The following LIPN variants were observed in gnomAD, a reference collection of about 807,000 sequenced individuals.
The protein encoded by LIPN is lipase member N.
LIPN carries 32 observed loss-of-function variants against 43.7 expected under a neutral mutation model. That is an observed-to-expected ratio of 0.73 (90% CI 0.55 to 0.98). The LOEUF (loss-of-function observed/expected upper bound fraction) is 0.98. Ranked by LOEUF, LIPN falls within the 50% of genes least tolerant of loss-of-function variation. LIPN has a pLI of 0.00. For synonymous variants in LIPN, 156 were observed against 157.6 expected, an observed-to-expected ratio of 0.99 and a Z score of 0.08; for missense variants, 505 against 483.8, an observed-to-expected ratio of 1.04 and a Z score of -0.41.
upstream of LIPN, among the ~76,000 whole-genome samples, chr10:88,759,642 A>G (rs1167700747): frequency 6.6e-6 from 1 of 152,124 alleles, no homozygotes; most frequent in African/African-American, 2.4e-5. Flanking sequence ...TACGCACTGC[A>G]TGGTTGGCAC....
At chr10:88,772,058 T>G (rs1255795053) in intron 7 of LIPN, among the ~76,000 whole-genome samples, 3 of 151,898 alleles carry the variant, frequency 2.0e-5, no homozygotes, top group Admixed American at 2.0e-4. Flanking sequence ...GTATGTCTTC[T>G]TTTGAGAAAT....
chr10:88,774,518 G>A lies in LIPN; in HGVS notation c.865G>A (p.Val289Ile), dbSNP rs1295290395. 2.5e-6 allele frequency: 4 copies of A among 1,610,852 alleles called. No individual in the cohort carries two copies. Among genetic ancestry groups the A allele is most frequent in the East Asian group, 2.2e-5 (1 of 44,786 alleles). The change falls in exon 8 of 10, where the codon GTA (valine) becomes ATA (isoleucine). Residue 289 changes from valine (V) to isoleucine (I), a missense_variant. Val to Ile is a conservative substitution (Grantham distance 29, BLOSUM62 3). Transcript: ENST00000404459. ...YMSHAPTGSS[V>I]HNILHIKQLY... ...GTCACATGCTCCCACTGGTTCATCA[G>A]TACACAACATTCTGCATATAAAACA...
At chr10:88,761,331 C>A in intron 1 of LIPN, 67 bp from the exon 2 acceptor site, 1 of 926,714 alleles carries the variant, frequency 1.1e-6, no homozygotes, top group Non-Finnish European at 1.8e-6. Context: ...TTTCACTAAT[C>A]ATTTTATTTC....
At chr10:88,770,818 A>G in intron 6 of LIPN, 27 bp from the exon 7 acceptor site, 3 of 1,349,176 alleles carry the variant, frequency 2.2e-6, no homozygotes, top group Non-Finnish European at 3.1e-6. Flanking sequence ...TATCTCATTC[A>G]AAGATAATTA....
Position 88,774,501 on chromosome 10 carries a change from C to A in LIPN, c.848C>A (p.Ala283Asp), listed in dbSNP as rs1418132032. The A allele has an allele frequency of 6.2e-7, 1 of 1,611,134 alleles. No homozygotes were observed. The highest frequency in any genetic ancestry group is 1.1e-5 in the South Asian group (1 of 90,978). Residue 283 changes from alanine to aspartate, a missense_variant, in exon 8 of 10, where the codon GCT becomes GAT. Ala to Asp is a moderately radical substitution (Grantham distance 126). Coordinates refer to ENST00000404459, the MANE Select transcript of LIPN (RefSeq NM_001102469.2). ...QSRMDVYMSH[A>D]PTGSSVHNIL... The stretch of plus-strand genomic sequence containing the variant: ...CGAATGGATGTGTATATGTCACATG[C>A]TCCCACTGGTTCATCAGTACACAAC...
intron 2 of LIPN, among the ~76,000 whole-genome samples, 169 bp from the exon 3 acceptor site, chr10:88,762,019 T>A (rs1843009584): frequency 6.6e-6 from 1 of 152,160 alleles, no homozygotes; most frequent in South Asian, 2.1e-4. Context: ...AGATATTTTT[T>A]AAAATTCTAC....
At chr10:88,771,919 T>A (rs1176618868) in intron 7 of LIPN, among the ~76,000 whole-genome samples, 1 of 151,880 alleles carries the variant, frequency 6.6e-6, no homozygotes, top group African/African-American at 2.4e-5. Context: ...TCAGCATCCA[T>A]TATTGCCTAT....
In LIPN at chr10:88,778,096, G is replaced by A. The variant is rs996739274; in HGVS notation, c.1051G>A (p.Asp351Asn). 6.8e-6 allele frequency: 11 copies of A among 1,613,530 alleles called. No homozygotes were observed. Among genetic ancestry groups the A allele is most frequent in the Non-Finnish European group, 8.5e-6 (10 of 1,179,728 alleles). The change falls in exon 10 of 10, where the codon GAT (aspartate) becomes AAT (asparagine). Residue 351 changes from aspartate to asparagine, a missense_variant. By Grantham distance (23) the Asp-to-Asn change is conservative. Transcript: ENST00000404459. ...GGHDVLVTPQ[D>N]VARILPQIKS... is the part of the protein sequence containing the mutation. ...ACATGATGTCCTCGTAACACCCCAG[G>A]ATGTGGCCAGGATACTCCCTCAAAT...
Position 88,778,299 on chromosome 10 carries a change from G to A in LIPN, c.*57G>A. On this transcript the variant is annotated 3_prime_UTR_variant, in exon 10 of 10. Coordinates refer to ENST00000404459, the MANE Select transcript of LIPN (RefSeq NM_001102469.2). ...GCTTCCAAGCCCATAAGGGACTTTA[G>A]AAAAAATAGTAACCAACAATGAGGT... The A allele has an allele frequency of 1.5e-6, 2 of 1,300,518 alleles. No individual in the cohort carries two copies. Among genetic ancestry groups the A allele is most frequent in the Admixed American group, 2.1e-5 (1 of 48,240 alleles). The allele number at this position is 1,300,518 out of a possible 1,614,324, so 80.6% of individuals were successfully genotyped here. A position where few individuals can be genotyped will look rare whatever the true frequency, so the allele number is the denominator to read the frequency against.
intron 7 of LIPN, among the ~76,000 whole-genome samples, chr10:88,773,766 C>A (rs952180190): frequency 6.6e-6 from 1 of 152,006 alleles, no homozygotes; most frequent in Non-Finnish European, 1.5e-5. Context: ...CATAAGGAAC[C>A]ATTGTTCAAA....
chr10:88,763,462 A>G (rs1052812169), intron 3 of LIPN, among the ~76,000 whole-genome samples: 1 of 152,108 alleles, frequency 6.6e-6, no homozygotes, highest in Non-Finnish European at 1.5e-5. Context: ...AAGATCATTC[A>G]TTAGATGTAA....
chr10:88,771,112 A>ATT lies in LIPN; in HGVS notation c.819+129_819+130dup, dbSNP rs201501245. The ATT allele has an allele frequency of 3.4e-5, 28 of 823,506 alleles. No homozygotes were observed. In the East Asian group the frequency reaches 3.4e-4, roughly 10 times the overall value. 51.0% of individuals were successfully genotyped at this position (823,506 alleles called of 1,614,324 possible). ...TGGTATTCCAAACCCTTAAAGACAG[A>ATT]TTTTTTTTTGCTTTTAAAAATGTTT... is the stretch of plus-strand genomic sequence containing the variant. On this transcript the variant is annotated intron_variant, in intron 7 of 9. Transcript: ENST00000404459.
intron 6 of LIPN, among the ~76,000 whole-genome samples, chr10:88,770,587 A>G (rs1393694741): frequency 6.6e-6 from 1 of 151,866 alleles, no homozygotes; most frequent in African/African-American, 2.4e-5. Flanking sequence ...CTTTTCCTGA[A>G]TAATTTGGTC....
At chr10:88,762,893 G>T (rs765394464) in intron 3 of LIPN, among the ~76,000 whole-genome samples, 3 of 152,026 alleles carry the variant, frequency 2.0e-5, no homozygotes, top group Non-Finnish European at 2.9e-5. Flanking sequence ...AGAATGAGGA[G>T]CCAGCCATGC....
At chr10:88,759,795 A>G (rs1221753876), upstream of LIPN, among the ~76,000 whole-genome samples, 1 of 152,076 alleles carries the variant, frequency 6.6e-6, no homozygotes, top group Non-Finnish European at 1.5e-5. Context: ...AATGTTGCTA[A>G]GTCTTCCCAA....
chr10:88,767,290 A>G (rs1175642814), intron 5 of LIPN, among the ~76,000 whole-genome samples: 2 of 151,892 alleles, frequency 1.3e-5, no homozygotes, highest in Non-Finnish European at 2.9e-5. Context: ...GGCAGTTAGC[A>G]TCAGTCAGCA....
At chr10:88,757,643 A>G (rs985274490), upstream of LIPN, among the ~76,000 whole-genome samples, 7 of 152,176 alleles carry the variant, frequency 4.6e-5, no homozygotes, top group Non-Finnish European at 1.0e-4. Context: ...CTAACACTAA[A>G]AGAAAGCATG....
In LIPN at chr10:88,779,327, GCT is replaced by G. The variant is rs748285944; in HGVS notation, c.*1088_*1089del. On this transcript the variant is annotated 3_prime_UTR_variant, in exon 10 of 10. Transcript: ENST00000404459. ...AGAGCCAGCTCCATAATACTTTCCT[GCT>G]CTGCTGGCAAATCCACAAGCTGCTG... Among the ~76,000 whole-genome samples, 2 of 152,148 alleles carry G rather than the reference GCT, an allele frequency of 1.3e-5. No homozygotes were observed. The highest frequency in any genetic ancestry group is 1.5e-5 in the Non-Finnish European group (1 of 68,040).
At chr10:88,768,058 A>AGTGGAGGCC (rs1382385919) in intron 5 of LIPN, among the ~76,000 whole-genome samples, 8 of 122,912 alleles carry the variant, frequency 6.5e-5, no homozygotes. Context: ...ACACACACAC[A>AGTGGAGGCC]CACATGCCAG....
Sources: gnomAD v4.1 joint callset for allele counts (sites outside exome capture counted in the v4.1 genomes callset) on GRCh38, gnomAD v4.1.1 for gene constraint, MANE v1.5 for transcripts, NCBI Gene and HGNC (gene_info 2026-07-23, HGNC 2026-07-21) for gene names.